The following PDE1A variants were observed in gnomAD, a reference collection of about 807,000 sequenced individuals.
PDE1A encodes the protein dual specificity calcium/calmodulin-dependent 3',5'-cyclic nucleotide phosphodiesterase 1A.
Under a neutral mutation model 61.7 loss-of-function variants are expected in PDE1A, and 35 were observed. The observed-to-expected ratio is 0.57, with a 90% CI of 0.43 to 0.75. The LOEUF (loss-of-function observed/expected upper bound fraction) is 0.75, where lower values mean the gene tolerates loss of function less well. Among genes scored for constraint, PDE1A ranks in the 30% least tolerant of loss-of-function variants. The probability of loss-of-function intolerance (pLI) is 0.00; values close to 1 mark genes in which losing one functional copy is unlikely to be tolerated. For missense variants in PDE1A, 597 were observed against 630.6 expected (o/e 0.95, Z 0.57); for synonymous variants, 232 against 213.2 (o/e 1.09, Z -0.77).
At chr2:182,526,525 A>C (rs1351576625), upstream of PDE1A, among the ~76,000 whole-genome samples, 4 of 152,220 alleles carry the variant, frequency 2.6e-5, no homozygotes, top group African/African-American at 9.6e-5. Context: ...AAGTGTGGCC[A>C]AGAGATACCT....
chr2:182,627,609 TA>T, the PDE1A span, among the ~76,000 whole-genome samples: 3 of 150,004 alleles, frequency 2.0e-5, no homozygotes, highest in African/African-American at 7.3e-5. Flanking sequence ...TGTGCTTACC[TA>T]AAAAAAAATT....
chr2:182,162,599 A>C lies in PDE1A; in HGVS notation c.1517-15447T>G, dbSNP rs138948711. Among the ~76,000 whole-genome samples the C allele has an allele frequency of 9.3e-3, 1,417 of 152,228 alleles. 13 individuals carry two copies. Among genetic ancestry groups the C allele is most frequent in the Non-Finnish European group, 0.015 (1,016 of 68,018 alleles). On this transcript the variant is annotated intron_variant, in intron 13 of 13. Coordinates refer to the PDE1A transcript ENST00000409365. ...AGGAAAGACTCTGGTGCACTACATAAAATTTATACTGTTAATCTTTCTCTT... is the reference window on the plus strand; with the variant it reads ...AGGAAAGACTCTGGTGCACTACATACAATTTATACTGTTAATCTTTCTCTT...
chr2:182,510,165 T>C (rs1689693613), intron 2 of PDE1A, among the ~76,000 whole-genome samples: 1 of 152,110 alleles, frequency 6.6e-6, no homozygotes, highest in African/African-American at 2.4e-5. Context: ...TTTTATAAAA[T>C]ATAAAATAAA....
At chr2:182,146,992 A>C, downstream of PDE1A, 1 of 858,580 alleles carries the variant, frequency 1.2e-6, no homozygotes, top group South Asian at 1.7e-5. Context: ...TCTGCAAACC[A>C]TTTACTTTAG....
rs115883973 is a variant in PDE1A, at chr2:182,263,819, G to A, written c.167+482C>T. 6.4e-3 allele frequency among the ~76,000 whole-genome samples: 971 copies of A among 152,262 alleles called. 10 individuals are homozygous for A. The highest frequency in any genetic ancestry group is 0.014 in the Admixed American group (217 of 15,288). On this transcript the variant is annotated intron_variant, in intron 2 of 13. Transcript: ENST00000351439. Reference sequence around the variant, plus strand: ...GCTAATTATGAGGCTAGGTTTGGATGATCAAAAACACACATTTGGGATGCC... The same window carrying A: ...GCTAATTATGAGGCTAGGTTTGGATAATCAAAAACACACATTTGGGATGCC...
chr2:182,459,071 T>C (rs1167470377), intron 2 of PDE1A, among the ~76,000 whole-genome samples: 2 of 152,136 alleles, frequency 1.3e-5, no homozygotes, highest in Non-Finnish European at 2.9e-5. Context: ...TATTTTATGA[T>C]TTTAATACAT....
the PDE1A span, among the ~76,000 whole-genome samples, chr2:182,630,160 C>T: frequency 6.6e-6 from 1 of 151,998 alleles, no homozygotes; most frequent in Non-Finnish European, 1.5e-5. Flanking sequence ...TTTTTCTATT[C>T]ACTTTTTTAA....
Position 182,462,580 on chromosome 2 carries a change from A to C in PDE1A, c.101+59696T>G, listed in dbSNP as rs974751661. 2.0e-5 allele frequency among the ~76,000 whole-genome samples: 3 copies of C among 152,118 alleles called. No homozygotes were observed. The South Asian group carries it at 6.2e-4, about 32-fold the overall frequency. On this transcript the variant is annotated intron_variant, in intron 2 of 14. Coordinates refer to the PDE1A transcript ENST00000410103. ...CAGAGCATGGGCCCTGCCTTTTAGC[A>C]TGCAGTGGTTCTCAACAATTTTCTT...
chr2:182,426,417 A>G (rs901148475), intron 1 of PDE1A, among the ~76,000 whole-genome samples, 161 bp downstream of exon 1: 2 of 152,192 alleles, frequency 1.3e-5, no homozygotes, highest in South Asian at 2.1e-4. Flanking sequence ...AGTTTCAGAA[A>G]ACAGAAAACA....
intron 13 of PDE1A, among the ~76,000 whole-genome samples, chr2:182,169,925 C>T (rs1470417465): frequency 8.5e-6 from 1 of 117,356 alleles, no homozygotes; most frequent in African/African-American, 2.9e-5. Flanking sequence ...CACACACGCA[C>T]ACACACACAC....
At chr2:182,246,549 G>A (rs1027696769) in intron 2 of PDE1A, among the ~76,000 whole-genome samples, 8 of 151,326 alleles carry the variant, frequency 5.3e-5, no homozygotes, top group African/African-American at 1.7e-4. Context: ...GATTACAGGC[G>A]TGCCACCACA....
At chr2:182,188,357 T>G (rs990541391) in intron 11 of PDE1A, among the ~76,000 whole-genome samples, 16 of 152,210 alleles carry the variant, frequency 1.1e-4, no homozygotes, top group African/African-American at 3.9e-4. Context: ...TTGTGTTTAT[T>G]GATCATATTG....
At chr2:182,625,792 A>G in the PDE1A span, among the ~76,000 whole-genome samples, 6 of 152,346 alleles carry the variant, frequency 3.9e-5, no homozygotes, top group African/African-American at 9.6e-5. Context: ...AAATGATCAC[A>G]TACTTCTAGC....
chr2:182,254,124 G>C (rs1691604351), intron 2 of PDE1A, among the ~76,000 whole-genome samples: 1 of 152,110 alleles, frequency 6.6e-6, no homozygotes, highest in Non-Finnish European at 1.5e-5. Flanking sequence ...TTTTTTGTTA[G>C]TCATTTCTCA....
At chr2:182,440,805 T>C (rs907678365) in intron 2 of PDE1A, among the ~76,000 whole-genome samples, 1 of 151,832 alleles carries the variant, frequency 6.6e-6, no homozygotes, top group Non-Finnish European at 1.5e-5. Context: ...TTTTGCTTTA[T>C]TTCTCTTCTT....
At chr2:182,333,031 T>C (rs112766809) in intron 1 of PDE1A, among the ~76,000 whole-genome samples, 188 of 152,302 alleles carry the variant, frequency 1.2e-3, no homozygotes, top group African/African-American at 4.5e-3. Context: ...AAGAGCTAAC[T>C]ATCCTAAATA....
chr2:182,277,695 A>G (rs1269243073), intron 1 of PDE1A, among the ~76,000 whole-genome samples: 1 of 152,106 alleles, frequency 6.6e-6, no homozygotes, highest in African/African-American at 2.4e-5. Flanking sequence ...TCCTTGCTAG[A>G]GAGCTACTGG....
the PDE1A span, among the ~76,000 whole-genome samples, chr2:182,604,873 A>G: frequency 6.6e-6 from 1 of 152,136 alleles, no homozygotes; most frequent in Non-Finnish European, 1.5e-5. Flanking sequence ...GTTTAGTATT[A>G]TACGTCAGGT....
intron 2 of PDE1A, among the ~76,000 whole-genome samples, chr2:182,498,955 TAAA>T (rs1366734360): frequency 2.7e-5 from 4 of 150,848 alleles, no homozygotes; most frequent in Non-Finnish European, 4.4e-5. Flanking sequence ...AATAAAAAAA[TAAA>T]AAAATGACCC....
Sources: gnomAD v4.1 joint callset for allele counts (sites outside exome capture counted in the v4.1 genomes callset) on GRCh38, gnomAD v4.1.1 for gene constraint, MANE v1.5 for transcripts, NCBI Gene and HGNC (gene_info 2026-07-23, HGNC 2026-07-21) for gene names.